The following GALNT15 variants were observed in gnomAD, a reference collection of about 807,000 sequenced individuals.
GALNT15 encodes polypeptide N-acetylgalactosaminyltransferase 15, also known as UDP-GalNAc transferase T15.
Under a neutral mutation model 66.8 loss-of-function variants are expected in GALNT15, and 67 were observed. That is an observed-to-expected ratio of 1.00 (90% CI 0.82 to 1.23). GALNT15 has a LOEUF of 1.23. Among genes scored for constraint, GALNT15 ranks in the 50% most tolerant of loss-of-function variants. The pLI, the probability that GALNT15 is intolerant of heterozygous loss-of-function variation, is 0.00. For synonymous variants in GALNT15, 313 were observed against 311.5 expected, an observed-to-expected ratio of 1.00 and a Z score of -0.05; for missense variants, 827 against 804.3, an observed-to-expected ratio of 1.03 and a Z score of -0.34.
rs770605632 is a variant in GALNT15 at position 16,175,465 on chromosome 3, G to C, written c.314G>C (p.Arg105Thr). Reference protein sequence around the residue: ...LLVAVALPQARRNQSQGRRGG... With the variant: ...LLVAVALPQATRNQSQGRRGG... Reference sequence around the variant, plus strand: ...GTGGCCGTGGCCTTACCCCAGGCCAGAAGGAACCAGAGCCAGGGCAGGAGA... The same window carrying C: ...GTGGCCGTGGCCTTACCCCAGGCCACAAGGAACCAGAGCCAGGGCAGGAGA... Residue 105 changes from arginine to threonine, a missense_variant, in exon 1 of 10, where the codon AGA becomes ACA. By Grantham distance (71) the Arg-to-Thr change is moderately conservative. Transcript: ENST00000339732. This position sits in a 1 kb window ranked among gnomAD's most constrained non-coding sequence, Gnocchi z 5.6. 6.2e-7 allele frequency: 1 copy of C among 1,614,104 alleles called. No homozygotes were observed. Among genetic ancestry groups the C allele is most frequent in the South Asian group, 1.1e-5 (1 of 91,080 alleles).
intron 3 of GALNT15, among the ~76,000 whole-genome samples, chr3:16,207,569 C>G (rs76009506): frequency 1 from 113,828 of 114,032 alleles, 56,812 homozygotes; most frequent in Middle Eastern, 1. Context: ...CCCACCATTA[C>G]CGGGAAATGA....
At position 16,211,021 on chromosome 3, in the gene GALNT15, C is replaced by G. The variant is rs1270009303; in HGVS notation, c.1080-103C>G. ...ATTTTACCTGAGCCTAAAGCCTGTT[C>G]TCTCAGCCACTGGAGCTCCCACCTG... On this transcript the variant is annotated intron_variant, in intron 4 of 9. Coordinates refer to ENST00000339732, the MANE Select transcript of GALNT15 (RefSeq NM_054110.5). This position sits in a 1 kb window ranked among gnomAD's most constrained non-coding sequence, Gnocchi z 4.3. 19 of 777,194 alleles carry G rather than the reference C, an allele frequency of 2.4e-5. No homozygotes were observed. The highest frequency in any genetic ancestry group is 3.8e-5 in the Non-Finnish European group (17 of 444,518). 48.1% of individuals were successfully genotyped at this position (777,194 alleles called of 1,614,324 possible).
chr3:16,179,842 TG>T (rs1368224138), intron 1 of GALNT15, among the ~76,000 whole-genome samples: 1 of 152,116 alleles, frequency 6.6e-6, no homozygotes, highest in African/African-American at 2.4e-5. Context: ...GAGCCCATGA[TG>T]GAACCGCAAA....
chr3:16,242,605 T>C, the GALNT15 span, among the ~76,000 whole-genome samples: 1 of 150,886 alleles, frequency 6.6e-6, no homozygotes, highest in African/African-American at 2.4e-5. The surrounding 1 kb of genome is among the most constrained non-coding windows in gnomAD (Gnocchi z 5.6). Flanking sequence ...CAAAAAAAAA[T>C]AAAATAAAAT....
chr3:16,200,161 T>A lies in GALNT15; in HGVS notation c.707-458T>A, dbSNP rs2063683676. Among the ~76,000 whole-genome samples the A allele has an allele frequency of 6.6e-6, 1 of 151,952 alleles. No individual in the cohort carries two copies. Among genetic ancestry groups the A allele is most frequent in the African/African-American group, 2.4e-5 (1 of 41,338 alleles). On this transcript the variant is annotated intron_variant, in intron 2 of 9. Coordinates refer to ENST00000339732, the MANE Select transcript of GALNT15 (RefSeq NM_054110.5). This position sits in a 1 kb window ranked among gnomAD's most constrained non-coding sequence, Gnocchi z 4.4. ...AAACTATCAAACACTTATATAATCA[T>A]CAGATCTCATGAGAACTCACTATCA... is the stretch of plus-strand genomic sequence containing the variant.
At chr3:16,237,515 T>G in the GALNT15 span, among the ~76,000 whole-genome samples, 3 of 152,344 alleles carry the variant, frequency 2.0e-5, no homozygotes, top group South Asian at 2.1e-4. The surrounding 1 kb of genome is among the most constrained non-coding windows in gnomAD (Gnocchi z 4.2). Context: ...GTTGCTCTAC[T>G]GGCCGTGCTG....
rs1195458528 is a variant in GALNT15, at chr3:16,181,772, C to T, written c.539+6082C>T. 6.6e-6 allele frequency among the ~76,000 whole-genome samples: 1 copy of T among 152,156 alleles called. No homozygotes were observed. The highest frequency in any genetic ancestry group is 6.5e-5 in the Admixed American group (1 of 15,282). On this transcript the variant is annotated intron_variant, in intron 1 of 9. Coordinates refer to ENST00000339732, the MANE Select transcript of GALNT15 (RefSeq NM_054110.5). The surrounding 1 kb of genome is among the most constrained non-coding windows in gnomAD (Gnocchi z 5.9). Reference sequence around the variant, plus strand: ...GGGCTGGAACTTAGCTCAATTCCCCCCACAAGAGAGGGAAGACAACCCAGT... The same window carrying T: ...GGGCTGGAACTTAGCTCAATTCCCCTCACAAGAGAGGGAAGACAACCCAGT...
At position 16,181,041 on chromosome 3, in the gene GALNT15, A is replaced by G. The variant is rs2063465304; in HGVS notation, c.539+5351A>G. On this transcript the variant is annotated intron_variant, in intron 1 of 9. Coordinates refer to ENST00000339732, the MANE Select transcript of GALNT15 (RefSeq NM_054110.5). The surrounding 1 kb of genome is among the most constrained non-coding windows in gnomAD (Gnocchi z 5.9). ...CAACGTGTGATGATTTTCCTTGTGT[A>G]TTAAGTCCAAACAGAAGTTGCCCTT... 6.6e-6 allele frequency among the ~76,000 whole-genome samples: 1 copy of G among 152,226 alleles called. No homozygotes were observed. Among genetic ancestry groups the G allele is most frequent in the Admixed American group, 6.5e-5 (1 of 15,286 alleles).
At chr3:16,236,349 G>A (rs1244063215), downstream of GALNT15, among the ~76,000 whole-genome samples, 1 of 152,130 alleles carries the variant, frequency 6.6e-6, no homozygotes, top group Non-Finnish European at 1.5e-5. Context: ...TGCAGACTCT[G>A]TTAACTCTGT....
At position 16,175,077 on chromosome 3, in the gene GALNT15, G is replaced by A. The variant is rs2063389756; in HGVS notation, c.-75G>A. The A allele has an allele frequency of 2.1e-6, 3 of 1,446,924 alleles. No homozygotes were observed. Among genetic ancestry groups the A allele is most frequent in the Non-Finnish European group, 2.8e-6 (3 of 1,058,876 alleles). 89.6% of individuals were successfully genotyped at this position (1,446,924 alleles called of 1,614,324 possible). The stretch of plus-strand genomic sequence containing the variant: ...TGGAACAAGCAACCCAGGTTCTGCT[G>A]CAAGCTTGAAGGAGCCTGGAGCGGG... On this transcript the variant is annotated 5_prime_UTR_variant, in exon 1 of 10. Coordinates refer to ENST00000339732, the MANE Select transcript of GALNT15 (RefSeq NM_054110.5). The surrounding 1 kb of genome is among the most constrained non-coding windows in gnomAD (Gnocchi z 5.6).
chr3:16,199,950 A>G (rs183642274), intron 2 of GALNT15, among the ~76,000 whole-genome samples: 1 of 152,298 alleles, frequency 6.6e-6, no homozygotes, highest in East Asian at 1.9e-4. Flanking sequence ...GTAGGACACT[A>G]TATTAGTCTG....
rs1373471343 is a variant in GALNT15 at position 16,175,409 on chromosome 3, C to T, written c.258C>T (p.Pro86=). Residue 86 remains proline (P), a synonymous_variant, in exon 1 of 10, where the codon CCC becomes CCT. Transcript: ENST00000339732. This position sits in a 1 kb window ranked among gnomAD's most constrained non-coding sequence, Gnocchi z 5.6. ...ACAGCCCTCTGGAGGGCCTGCCACC[C>T]TTTATCTCACTGCGGGAGGATCAGC... ...EEYSPLEGLP[P]FISLREDQLL... 3 of 1,614,216 alleles carry T rather than the reference C, an allele frequency of 1.9e-6. No individual in the cohort carries two copies. Among genetic ancestry groups the T allele is most frequent in the South Asian group, 2.2e-5 (2 of 91,090 alleles).
rs1163384569 is a variant in GALNT15, at chr3:16,211,723, T to A, written c.1197+482T>A. Among the ~76,000 whole-genome samples, 2 of 152,196 alleles carry A rather than the reference T, an allele frequency of 1.3e-5. No homozygotes were observed. The highest frequency in any genetic ancestry group is 4.8e-5 in the African/African-American group (2 of 41,442). ...CCCTCATTTCCTGTCCCACATTGCTTTTCTAGCATGATACTTGCTTTTTCA... is the reference window on the plus strand; with the variant it reads ...CCCTCATTTCCTGTCCCACATTGCTATTCTAGCATGATACTTGCTTTTTCA... On this transcript the variant is annotated intron_variant, in intron 5 of 9. Transcript: ENST00000339732. The surrounding 1 kb of genome is among the most constrained non-coding windows in gnomAD (Gnocchi z 4.3).
intron 1 of GALNT15, among the ~76,000 whole-genome samples, chr3:16,185,440 T>A (rs960565725): frequency 6.6e-6 from 1 of 152,154 alleles, no homozygotes; most frequent in Admixed American, 6.6e-5. Flanking sequence ...GGGGACAACA[T>A]CCTCAATAAG....
At position 16,184,037 on chromosome 3, in the gene GALNT15, C is replaced by A. The variant is rs1376913424; in HGVS notation, c.539+8347C>A. ...ATTATCCCTTTCAATCCAGGACACA[C>A]CCCTGGGCTGGAGAAAGGTATCAAC... On this transcript the variant is annotated intron_variant, in intron 1 of 9. Transcript: ENST00000339732. The surrounding 1 kb of genome is among the most constrained non-coding windows in gnomAD (Gnocchi z 5.0). Among the ~76,000 whole-genome samples, 1 of 152,158 alleles carries A rather than the reference C, an allele frequency of 6.6e-6. No homozygotes were observed. Among genetic ancestry groups the A allele is most frequent in the Admixed American group, 6.5e-5 (1 of 15,274 alleles).
In GALNT15 at chr3:16,229,215, C is replaced by T. The variant is rs1173712713; in HGVS notation, c.*1715C>T. ...TCATAACTACGTATTCATTGTCTAC[C>T]TGCTAAGTCAAGGGTTCACTGCATT... On this transcript the variant is annotated 3_prime_UTR_variant, in exon 10 of 10. Transcript: ENST00000339732. The T allele has an allele frequency of 2.0e-6, 2 of 985,322 alleles. No individual in the cohort carries two copies. The highest frequency in any genetic ancestry group is 4.7e-5 in the South Asian group (1 of 21,290). 61.0% of individuals were successfully genotyped at this position (985,322 alleles called of 1,614,324 possible). A position where few individuals can be genotyped will look rare whatever the true frequency, so the allele number is the denominator to read the frequency against.
chr3:16,237,048 C>T, the GALNT15 span, among the ~76,000 whole-genome samples: 6 of 152,328 alleles, frequency 3.9e-5, no homozygotes, highest in Non-Finnish European at 5.9e-5. The surrounding 1 kb of genome is among the most constrained non-coding windows in gnomAD (Gnocchi z 4.2). Flanking sequence ...CACACGCTCC[C>T]GCTAACACAC....
Position 16,203,351 on chromosome 3 carries a change from C to T in GALNT15, c.911+2528C>T, listed in dbSNP as rs975192072. ...GTGAAGGTAGAAAGACGTGGCACTA[C>T]CTCAGTGTCCTAGGCTAGAAAGAAA... On this transcript the variant is annotated intron_variant, in intron 3 of 9. Transcript: ENST00000339732. This position sits in a 1 kb window ranked among gnomAD's most constrained non-coding sequence, Gnocchi z 6.2. Among the ~76,000 whole-genome samples, 9 of 152,014 alleles carry T rather than the reference C, an allele frequency of 5.9e-5. No homozygotes were observed. The highest frequency in any genetic ancestry group is 1.2e-4 in the Non-Finnish European group (8 of 68,010).
Position 16,228,360 on chromosome 3 carries a change from G to C in GALNT15, c.*860G>C. 1 of 985,430 alleles carries C rather than the reference G, an allele frequency of 1.0e-6. No individual in the cohort carries two copies. Among genetic ancestry groups the C allele is most frequent in the Non-Finnish European group, 1.2e-6 (1 of 829,574 alleles). The allele number at this position is 985,430 out of a possible 1,614,324, so 61.0% of individuals were successfully genotyped here. On this transcript the variant is annotated 3_prime_UTR_variant, in exon 10 of 10. Coordinates refer to ENST00000339732, the MANE Select transcript of GALNT15 (RefSeq NM_054110.5). ...GTGTTCACAGTTGAGAAACTCTCCT[G>C]CCGGGCGCGGTGGCTCATGCCTGTA...
Sources: allele counts gnomAD v4.1 joint callset (sites outside exome capture counted in the v4.1 genomes callset), GRCh38; gene constraint gnomAD v4.1.1; non-coding constraint Gnocchi (gnomAD v3.1); transcripts MANE v1.5; gene names NCBI Gene and HGNC (gene_info 2026-07-23, HGNC 2026-07-21).